The following HCN3 variants were observed in gnomAD, a reference collection of about 807,000 sequenced individuals.
HCN3 encodes the protein hyperpolarization activated cyclic nucleotide gated potassium channel 3, also known as potassium/sodium hyperpolarization-activated cyclic nucleotide-gated channel 3.
Under a neutral mutation model 56.8 loss-of-function variants are expected in HCN3, and 36 were observed. That is an observed-to-expected ratio of 0.63 (90% CI 0.49 to 0.84). The LOEUF (loss-of-function observed/expected upper bound fraction) is 0.84, where lower values mean the gene tolerates loss of function less well. HCN3 is among the 40% of genes least tolerant of loss of function. The pLI is 0.00. For synonymous variants in HCN3, 425 were observed against 439.7 expected (o/e 0.97, Z 0.42); for missense variants, 930 against 1,079.3 (o/e 0.86, Z 1.94).
chr1:155,283,937 G>A, intron 2 of HCN3, 37 bp from the exon 3 acceptor site: 1 of 1,592,752 alleles, frequency 6.3e-7, no homozygotes, highest in Non-Finnish European at 8.6e-7. Flanking sequence ...GCAGGGAGGG[G>A]TTCCTGTCCA....
Position 155,287,962 on chromosome 1 carries a change from T to C in HCN3, c.1824T>C (p.His608=), listed in dbSNP as rs772384767. The change falls in exon 8 of 8, where the codon CAT becomes CAC. Residue 608 remains histidine, a synonymous_variant. Coordinates refer to ENST00000368358, the MANE Select transcript of HCN3 (RefSeq NM_020897.3). The part of the protein sequence containing the change: ...GKPVLWEPLV[H]APLQAAAVTS... ...CAGTACTGTGGGAGCCACTGGTACA[T>C]GCGCCCCTTCAGGCAGCTGCTGTGA... 4 of 1,614,028 alleles carry C rather than the reference T, an allele frequency of 2.5e-6. No individual in the cohort carries two copies. Among genetic ancestry groups the C allele is most frequent in the South Asian group, 2.2e-5 (2 of 91,088 alleles).
In HCN3 at chr1:155,282,603, C is replaced by T; in HGVS notation, c.471C>T (p.Ile157=). Residue 157 remains isoleucine (I), a synonymous_variant, in exon 2 of 8, where the codon ATC becomes ATT. Transcript: ENST00000368358. This position sits in a 1 kb window ranked among gnomAD's most constrained non-coding sequence, Gnocchi z 4.7. ...TCGTGGTGGAGGAGGGTGCTGAGAT[C>T]CTGCTGGCACCGCGGGCCATCCGCA... is the stretch of plus-strand genomic sequence containing the variant. The part of the protein sequence containing the change: ...TGIVVEEGAE[I]LLAPRAIRTR... The T allele has an allele frequency of 6.2e-7, 1 of 1,614,242 alleles. No homozygotes were observed.
Position 155,288,435 on chromosome 1 carries a change from G to A in HCN3, c.2297G>A (p.Arg766Gln), listed in dbSNP as rs78516811. 1.4e-3 allele frequency: 2,326 copies of A among 1,605,728 alleles called. 38 individuals carry two copies. In the African/African-American group the frequency reaches 0.028, roughly 19 times the overall value. ...RPPVPEPATPRGLQLSANM is the reference protein window; with the variant it reads ...RPPVPEPATPQGLQLSANM Reference sequence around the variant, plus strand: ...CCAGTGCCTGAGCCAGCCACACCCCGGGGTCTCCAGCTTTCTGCCAACATG... The same window carrying A: ...CCAGTGCCTGAGCCAGCCACACCCCAGGGTCTCCAGCTTTCTGCCAACATG... The change falls in exon 8 of 8, where the codon CGG becomes CAG. Residue 766 changes from arginine (R) to glutamine (Q), a missense_variant. Arg to Gln is a conservative substitution (Grantham distance 43, BLOSUM62 1). Transcript: ENST00000368358. This position sits in a 1 kb window ranked among gnomAD's most constrained non-coding sequence, Gnocchi z 6.5.
In HCN3 at chr1:155,285,458, G is replaced by C; in HGVS notation, c.1236+147G>C. The C allele has an allele frequency of 8.9e-7, 1 of 1,123,676 alleles. No individual in the cohort carries two copies. Among genetic ancestry groups the C allele is most frequent in the South Asian group, 1.6e-5 (1 of 61,840 alleles). The allele number at this position is 1,123,676 out of a possible 1,614,324, so 69.6% of individuals were successfully genotyped here. On this transcript the variant is annotated intron_variant, in intron 5 of 7. Coordinates refer to ENST00000368358, the MANE Select transcript of HCN3 (RefSeq NM_020897.3). This position sits in a 1 kb window ranked among gnomAD's most constrained non-coding sequence, Gnocchi z 4.5. ...AGGCCAGGTATTTGGGCTTTCAGGG[G>C]CTAGGGTCTTTCTTGAAGGCCCTTT...
At chr1:155,281,171 A>G (rs1027965903) in intron 1 of HCN3, among the ~76,000 whole-genome samples, 1 of 146,786 alleles carries the variant, frequency 6.8e-6, no homozygotes, top group African/African-American at 2.5e-5. Context: ...CCCGGGTTCA[A>G]GTGATTCTCC....
At position 155,284,434 on chromosome 1, in the gene HCN3, G is replaced by A; in HGVS notation, c.871-105G>A. ...TAAGTGCCTGCCAGGAGGAAGGCCT[G>A]CAGTAGAAGGGGCAGACAGAAAGAC... On this transcript the variant is annotated intron_variant, in intron 3 of 7. Coordinates refer to ENST00000368358, the MANE Select transcript of HCN3 (RefSeq NM_020897.3). The surrounding 1 kb of genome is among the most constrained non-coding windows in gnomAD (Gnocchi z 4.3). 1 of 1,244,558 alleles carries A rather than the reference G, an allele frequency of 8.0e-7. No individual in the cohort carries two copies. The highest frequency in any genetic ancestry group is 1.1e-6 in the Non-Finnish European group (1 of 907,240). The allele number at this position is 1,244,558 out of a possible 1,614,324, so 77.1% of individuals were successfully genotyped here. A position where few individuals can be genotyped will look rare whatever the true frequency, so the allele number is the denominator to read the frequency against.
rs768554281 is a variant in HCN3 at position 155,288,302 on chromosome 1, C to T, written c.2164C>T (p.Arg722Trp). Residue 722 changes from arginine to tryptophan, a missense_variant, in exon 8 of 8, where the codon CGG (arginine) becomes TGG (tryptophan). Transcript: ENST00000368358. This position sits in a 1 kb window ranked among gnomAD's most constrained non-coding sequence, Gnocchi z 6.5. The stretch of plus-strand genomic sequence containing the variant: ...AGCCTCCCAACCCTCTCTGCCTCAG[C>T]GGGCAACAGGCGATGGCTCTCCTGG... Reference protein sequence around the residue: ...LSASQPSLPQRATGDGSPGRK... With the variant: ...LSASQPSLPQWATGDGSPGRK... 1.2e-6 allele frequency: 2 copies of T among 1,612,560 alleles called. No homozygotes were observed. Among genetic ancestry groups the T allele is most frequent in the East Asian group, 2.2e-5 (1 of 44,842 alleles).
rs745428911 is a variant in HCN3, at chr1:155,285,904, C to G, written c.1417C>G (p.Leu473Val). The change falls in exon 6 of 8, where the codon CTC becomes GTC. Residue 473 changes from leucine to valine, a missense_variant. Leu to Val is a conservative substitution (Grantham distance 32, BLOSUM62 1). Coordinates refer to ENST00000368358, the MANE Select transcript of HCN3 (RefSeq NM_020897.3). This position sits in a 1 kb window ranked among gnomAD's most constrained non-coding sequence, Gnocchi z 4.5. ...RKMYFIQHGL[L>V]SVLARGARDT... Reference sequence around the variant, plus strand: ...GATGTACTTCATCCAGCATGGGCTGCTCAGTGTGCTGGCCCGCGGCGCCCG... The same window carrying G: ...GATGTACTTCATCCAGCATGGGCTGGTCAGTGTGCTGGCCCGCGGCGCCCG... The G allele has an allele frequency of 6.2e-7, 1 of 1,612,330 alleles. No individual in the cohort carries two copies. The highest frequency in any genetic ancestry group is 2.2e-5 in the East Asian group (1 of 44,806).
In HCN3 at chr1:155,289,179, A is replaced by G. The variant is rs1011029243; in HGVS notation, c.*716A>G. The G allele has an allele frequency of 9.2e-5, 14 of 152,260 alleles. No homozygotes were observed. The highest frequency in any genetic ancestry group is 3.4e-4 in the African/African-American group (14 of 41,426). 9.4% of individuals were successfully genotyped at this position (152,260 alleles called of 1,614,324 possible). On this transcript the variant is annotated 3_prime_UTR_variant, in exon 8 of 8. Coordinates refer to ENST00000368358, the MANE Select transcript of HCN3 (RefSeq NM_020897.3). ...CCTCTGCCCCAGTCGTGACCCCCTAAAAGTTAAGGGGTAGTTGGCACCTCC... is the reference window on the plus strand; with the variant it reads ...CCTCTGCCCCAGTCGTGACCCCCTAGAAGTTAAGGGGTAGTTGGCACCTCC...
rs909790979 is a variant in HCN3 at position 155,277,501 on chromosome 1, G to C, written c.-90G>C. The C allele has an allele frequency of 7.0e-7, 1 of 1,421,902 alleles. No homozygotes were observed. The highest frequency in any genetic ancestry group is 1.4e-5 in the African/African-American group (1 of 69,844). 88.1% of individuals were successfully genotyped at this position (1,421,902 alleles called of 1,614,324 possible). On this transcript the variant is annotated 5_prime_UTR_variant, in exon 1 of 8. Transcript: ENST00000368358. ...CGACGCCTCCGCTAGAGCCCGCGGG[G>C]CTGCGCCGACTCCTGCTCTGGAGGG...
Position 155,277,621 on chromosome 1 carries a change from G to T in HCN3, c.31G>T (p.Ala11Ser). 1 of 1,555,492 alleles carries T rather than the reference G, an allele frequency of 6.4e-7. No individual in the cohort carries two copies. The highest frequency in any genetic ancestry group is 8.7e-7 in the Non-Finnish European group (1 of 1,150,682). Residue 11 changes from alanine to serine, a missense_variant, in exon 1 of 8, where the codon GCC becomes TCC. Coordinates refer to ENST00000368358, the MANE Select transcript of HCN3 (RefSeq NM_020897.3). ...GGCAGAGCAGCGGCCGGCGGCGGGG[G>T]CCAGCGAAGGGGCGACCCCTGGACT... is the stretch of plus-strand genomic sequence containing the variant. MEAEQRPAAG[A>S]SEGATPGLEA...
Position 155,282,450 on chromosome 1 carries a change from G to A in HCN3, c.318G>A (p.Gly106=). The A allele has an allele frequency of 6.2e-7, 1 of 1,614,228 alleles. No individual in the cohort carries two copies. Among genetic ancestry groups the A allele is most frequent in the Non-Finnish European group, 8.5e-7 (1 of 1,180,034 alleles). ...TGATCATGCTGCTGCTGATGGTGGG[G>A]AACCTCATCGTCCTGCCTGTGGGCA... The part of the protein sequence containing the change: ...WDLIMLLLMV[G]NLIVLPVGIT... The change falls in exon 2 of 8, where the codon GGG becomes GGA. Residue 106 remains glycine, a synonymous_variant. Transcript: ENST00000368358. The surrounding 1 kb of genome is among the most constrained non-coding windows in gnomAD (Gnocchi z 4.7).
Position 155,284,313 on chromosome 1 carries a change from G to T in HCN3, c.870+178G>T, listed in dbSNP as rs1674190298. On this transcript the variant is annotated intron_variant, in intron 3 of 7. Transcript: ENST00000368358. The surrounding 1 kb of genome is among the most constrained non-coding windows in gnomAD (Gnocchi z 4.3). ...ACCCAGAAGAAGTGCTCGTGTGTTGGAGGGAGCAGGCAAAGGAAGGGTACC... is the reference window on the plus strand; with the variant it reads ...ACCCAGAAGAAGTGCTCGTGTGTTGTAGGGAGCAGGCAAAGGAAGGGTACC... The T allele has an allele frequency of 2.3e-6, 2 of 856,742 alleles. No homozygotes were observed. The allele number at this position is 856,742 out of a possible 1,614,324, so 53.1% of individuals were successfully genotyped here.
At chr1:155,277,909 C>T (rs776757980) in intron 1 of HCN3, 41 bp downstream of exon 1, 2 of 1,591,234 alleles carry the variant, frequency 1.3e-6, no homozygotes, top group South Asian at 2.2e-5. Flanking sequence ...ACATCAATCC[C>T]ACCCTCGCGG....
intron 6 of HCN3, among the ~76,000 whole-genome samples, chr1:155,286,832 G>A (rs1347140653): frequency 3.3e-5 from 5 of 152,038 alleles, no homozygotes; most frequent in Non-Finnish European, 5.9e-5. Flanking sequence ...ACACTGAGTT[G>A]CCCAGGTCTA....
At position 155,282,152 on chromosome 1, in the gene HCN3, G is replaced by A. The variant is rs980672179; in HGVS notation, c.279-259G>A. ...AACATTCCTATGTGTATCTCCTGGA[G>A]CGCATATTTTCCTTGGATGTGTCTA... On this transcript the variant is annotated intron_variant, in intron 1 of 7. Coordinates refer to ENST00000368358, the MANE Select transcript of HCN3 (RefSeq NM_020897.3). This position sits in a 1 kb window ranked among gnomAD's most constrained non-coding sequence, Gnocchi z 4.7. Among the ~76,000 whole-genome samples, 1 of 152,266 alleles carries A rather than the reference G, an allele frequency of 6.6e-6. No homozygotes were observed. Among genetic ancestry groups the A allele is most frequent in the East Asian group, 1.9e-4 (1 of 5,190 alleles).
At chr1:155,279,933 T>C (rs1034785956) in intron 1 of HCN3, among the ~76,000 whole-genome samples, 4 of 151,924 alleles carry the variant, frequency 2.6e-5, no homozygotes, top group Non-Finnish European at 5.9e-5. Context: ...TATTTATTTA[T>C]TTATTTATTT....
Position 155,285,679 on chromosome 1 carries a change from C to T in HCN3, c.1237-45C>T, listed in dbSNP as rs747348182. On this transcript the variant is annotated intron_variant, in intron 5 of 7. Coordinates refer to ENST00000368358, the MANE Select transcript of HCN3 (RefSeq NM_020897.3). The surrounding 1 kb of genome is among the most constrained non-coding windows in gnomAD (Gnocchi z 4.5). ...GCGGATGAGCTCGGTGGGATCATCT[C>T]AGGTCAGGGGCACAGCCTGCCTGAC... 218 of 1,608,500 alleles carry T rather than the reference C, an allele frequency of 1.4e-4. No individual in the cohort carries two copies. The Middle Eastern group carries it at 2.8e-3, about 21-fold the overall frequency.
Position 155,284,174 on chromosome 1 carries a change from TTAGGGCTCTTCTGCCTGAG to T in HCN3, c.870+43_870+61del, listed in dbSNP as rs374487896. Reference sequence around the variant, plus strand: ...ACAGCTCTGCCTTTCCTGGGCCTTCTTAGGGCTCTTCTGCCTGAGTAGCAGGGATGGCCACAGGGAGCAG... The same window carrying T: ...ACAGCTCTGCCTTTCCTGGGCCTTCTTAGCAGGGATGGCCACAGGGAGCAG... On this transcript the variant is annotated intron_variant, in intron 3 of 7. Coordinates refer to ENST00000368358, the MANE Select transcript of HCN3 (RefSeq NM_020897.3). The surrounding 1 kb of genome is among the most constrained non-coding windows in gnomAD (Gnocchi z 4.3). 375 of 1,603,438 alleles carry T rather than the reference TTAGGGCTCTTCTGCCTGAG, an allele frequency of 2.3e-4. 1 individual carries two copies. In the African/African-American group the frequency reaches 4.3e-3, roughly 18 times the overall value.
Sources: gnomAD v4.1 joint callset for allele counts (sites outside exome capture counted in the v4.1 genomes callset) on GRCh38, gnomAD v4.1.1 for gene constraint, Gnocchi (gnomAD v3.1) non-coding constraint, MANE v1.5 for transcripts, NCBI Gene and HGNC (gene_info 2026-07-23, HGNC 2026-07-21) for gene names.